The following LSM12 variants were observed in gnomAD, a reference collection of about 807,000 sequenced individuals.
The protein encoded by LSM12 is LSM12 homolog.
For synonymous variants in LSM12, 74 were observed against 87.3 expected, an observed-to-expected ratio of 0.85 and a Z score of 0.85; for missense variants, 108 against 238.9, an observed-to-expected ratio of 0.45 and a Z score of 3.61.
intron 4 of LSM12, among the ~76,000 whole-genome samples, 186 bp from the exon 5 acceptor site, chr17:44,036,486 C>T (rs992033546): frequency 1.3e-5 from 2 of 152,182 alleles, no homozygotes; most frequent in African/African-American, 4.8e-5. Context: ...GCTTCAGCCA[C>T]ATTTTTTTGC....
At chr17:44,046,000 G>A (rs1221009636) in intron 2 of LSM12, among the ~76,000 whole-genome samples, 9 of 144,600 alleles carry the variant, frequency 6.2e-5, no homozygotes, top group Middle Eastern at 6.8e-3. Flanking sequence ...GCAGTGGCGC[G>A]ATCTTGGCTC....
intron 2 of LSM12, among the ~76,000 whole-genome samples, chr17:44,052,647 T>C (rs1031244147): frequency 6.6e-6 from 1 of 151,858 alleles, no homozygotes; most frequent in African/African-American, 2.4e-5. Context: ...TAATCCCAGC[T>C]ACTTGGGAGG....
At chr17:44,051,448 C>A (rs1275462064) in intron 2 of LSM12, among the ~76,000 whole-genome samples, 1 of 149,996 alleles carries the variant, frequency 6.7e-6, no homozygotes, top group Admixed American at 6.6e-5. Context: ...CTCCTGTGGT[C>A]CCAGCTTCTC....
intron 2 of LSM12, among the ~76,000 whole-genome samples, chr17:44,057,727 A>C (rs4793073): frequency 0.93 from 139,996 of 151,000 alleles, 65,011 homozygotes; most frequent in East Asian, 1. Context: ...CTACTGCATT[A>C]TAGCCTGGGA....
intron 3 of LSM12, among the ~76,000 whole-genome samples, chr17:44,038,262 G>C (rs1433893080): frequency 2.6e-5 from 4 of 151,176 alleles, no homozygotes; most frequent in Non-Finnish European, 5.9e-5. Context: ...GCTGAGGTGG[G>C]AGAATCACCA....
chr17:44,051,382 T>C (rs1597890986), intron 2 of LSM12, among the ~76,000 whole-genome samples: 1 of 115,050 alleles, frequency 8.7e-6, no homozygotes, highest in South Asian at 2.7e-4. Context: ...AGAGCGAGAC[T>C]CCGTCTCAAA....
intron 3 of LSM12, among the ~76,000 whole-genome samples, chr17:44,039,821 C>T (rs1057109376): frequency 1.6e-4 from 24 of 152,166 alleles, no homozygotes; most frequent in African/African-American, 5.5e-4. Context: ...AGGCACAAAA[C>T]AACAAAATCA....
In LSM12 at chr17:44,041,322, C is replaced by A. The variant is rs999879894; in HGVS notation, c.259-1066G>T. On this transcript the variant is annotated intron_variant, in intron 2 of 4. Coordinates refer to ENST00000293406, the MANE Select transcript of LSM12 (RefSeq NM_001371445.1). ...ACACACACACACACACACACACACA[C>A]ACACACACACAAACACACACACACA... is the stretch of plus-strand genomic sequence containing the variant. 6.9e-3 allele frequency among the ~76,000 whole-genome samples: 1,003 copies of A among 144,852 alleles called. 13 individuals are homozygous for A. The highest frequency in any genetic ancestry group is 0.021 in the African/African-American group (790 of 37,956).
At chr17:44,054,310 G>T (rs973686890) in intron 2 of LSM12, among the ~76,000 whole-genome samples, 4 of 152,070 alleles carry the variant, frequency 2.6e-5, no homozygotes, top group African/African-American at 9.7e-5. Flanking sequence ...AAAGCCAATG[G>T]GTTTTGTTGT....
At chr17:44,066,768 G>T, upstream of LSM12, 1 of 741,932 alleles carries the variant, frequency 1.3e-6, no homozygotes, top group Non-Finnish European at 1.8e-6. Flanking sequence ...AAATAAAGGG[G>T]AATCTGAAAA....
intron 2 of LSM12, among the ~76,000 whole-genome samples, chr17:44,056,421 T>C (rs758630612): frequency 2.0e-4 from 30 of 151,914 alleles, no homozygotes; most frequent in Middle Eastern, 3.4e-3. Flanking sequence ...GTTGGCAGTA[T>C]AGTAAGACCA....
chr17:44,047,590 T>A lies in LSM12; in HGVS notation c.259-7334A>T, dbSNP rs572532343. Among the ~76,000 whole-genome samples the A allele has an allele frequency of 4.1e-4, 63 of 151,886 alleles. No homozygotes were observed. In the South Asian group the frequency reaches 0.013, roughly 31 times the overall value. ...TTATTATTTTCTTTTTTGAGATAGG[T>A]CTTGCTCTGTTGCCCAGGCTGGAGT... On this transcript the variant is annotated intron_variant, in intron 2 of 4. Coordinates refer to ENST00000293406, the MANE Select transcript of LSM12 (RefSeq NM_001371445.1).
In LSM12 at chr17:44,034,412, G is replaced by A. The variant is rs1044397660; in HGVS notation, c.*1796C>T. Among the ~76,000 whole-genome samples the A allele has an allele frequency of 5.3e-5, 8 of 151,864 alleles. No homozygotes were observed. Among genetic ancestry groups the A allele is most frequent in the African/African-American group, 1.9e-4 (8 of 41,308 alleles). On this transcript the variant is annotated 3_prime_UTR_variant, in exon 5 of 5. Coordinates refer to ENST00000293406, the MANE Select transcript of LSM12 (RefSeq NM_001371445.1). Reference sequence around the variant, plus strand: ...CTGTAACAAATGGTTCTATGTATGTGACTACAGCCTTTTCCCCACACTCCA... The same window carrying A: ...CTGTAACAAATGGTTCTATGTATGTAACTACAGCCTTTTCCCCACACTCCA...
chr17:44,048,446 C>G, intron 2 of LSM12, among the ~76,000 whole-genome samples: 1 of 147,532 alleles, frequency 6.8e-6, no homozygotes, highest in South Asian at 2.1e-4. Flanking sequence ...TGCACCACTG[C>G]ACTCTAGCCT....
rs532824615 is a variant in LSM12 at position 44,053,464 on chromosome 17, C to G, written c.258+10337G>C. ...AGCGGGTCTCACCATATTGTTATCA[C>G]TAAGTTAAATGCTGCTGTCCCTCAC... On this transcript the variant is annotated intron_variant, in intron 2 of 4. Coordinates refer to ENST00000293406, the MANE Select transcript of LSM12 (RefSeq NM_001371445.1). Among the ~76,000 whole-genome samples, 4 of 152,270 alleles carry G rather than the reference C, an allele frequency of 2.6e-5. No individual in the cohort carries two copies. In the East Asian group the frequency reaches 5.8e-4, roughly 22 times the overall value.
intron 3 of LSM12, among the ~76,000 whole-genome samples, chr17:44,039,365 CTTTTTTTTTTTTTT>C (rs35411238): frequency 3.9e-5 from 2 of 51,086 alleles, no homozygotes; most frequent in Middle Eastern, 0.025. Flanking sequence ...AACAAAATGT[CTTTTTTTTTTTTTT>C]TTTTTTTTTT....
At chr17:44,061,949 C>T (rs767017147) in intron 2 of LSM12, among the ~76,000 whole-genome samples, 5 of 152,134 alleles carry the variant, frequency 3.3e-5, no homozygotes, top group Non-Finnish European at 5.9e-5. Flanking sequence ...TGGCCAGGAG[C>T]GGTGGCTCAC....
chr17:44,047,703 CA>C (rs889581544), intron 2 of LSM12, among the ~76,000 whole-genome samples: 4 of 151,880 alleles, frequency 2.6e-5, no homozygotes, highest in African/African-American at 9.7e-5. Flanking sequence ...TCTGGAACCA[CA>C]AGCAAGGACC....
At chr17:44,040,345 G>C in intron 2 of LSM12, 89 bp from the exon 3 acceptor site, 1 of 940,366 alleles carries the variant, frequency 1.1e-6, no homozygotes, top group Non-Finnish European at 1.7e-6. Context: ...AAGGAGGCCA[G>C]GAAAGACTTG....
Sources: gnomAD v4.1 joint callset for allele counts (sites outside exome capture counted in the v4.1 genomes callset) on GRCh38, gnomAD v4.1.1 for gene constraint, MANE v1.5 for transcripts, NCBI Gene and HGNC (gene_info 2026-07-23, HGNC 2026-07-21) for gene names.